The following UNC13C variants were observed in gnomAD, a reference collection of about 807,000 sequenced individuals.
The protein encoded by UNC13C is protein unc-13 homolog C.
In UNC13C, 174 loss-of-function variants were observed where a neutral mutation model predicts 245.4. The ratio of observed to expected loss-of-function variants is 0.71; its 90% CI spans 0.63 to 0.80. UNC13C has a LOEUF of 0.80. Ranked by LOEUF, UNC13C falls within the 30% of genes least tolerant of loss-of-function variation. The pLI is 0.00. For synonymous variants in UNC13C, 992 were observed against 895.1 expected (o/e 1.11, Z -1.93); for missense variants, 2,829 against 2,602.9 (o/e 1.09, Z -1.89).
the UNC13C span, among the ~76,000 whole-genome samples, chr15:53,902,282 G>A: frequency 6.6e-6 from 1 of 152,040 alleles, no homozygotes; most frequent in Non-Finnish European, 1.5e-5. Flanking sequence ...ATCCCACCTA[G>A]GTATACCTTC....
At chr15:54,251,460 C>T (rs1285411974) in intron 8 of UNC13C, among the ~76,000 whole-genome samples, 1 of 152,170 alleles carries the variant, frequency 6.6e-6, no homozygotes, top group Non-Finnish European at 1.5e-5. Flanking sequence ...TATTAATGAC[C>T]TTTCCATCCT....
At chr15:54,538,432 C>T (rs541236626) in intron 26 of UNC13C, among the ~76,000 whole-genome samples, 24 of 152,084 alleles carry the variant, frequency 1.6e-4, no homozygotes, top group African/African-American at 5.8e-4. Flanking sequence ...TGGAAAACAG[C>T]TTGGAGAGTT....
chr15:53,867,277 C>T, the UNC13C span, among the ~76,000 whole-genome samples: 1 of 151,964 alleles, frequency 6.6e-6, no homozygotes, highest in African/African-American at 2.4e-5. Context: ...AAGCAATGAA[C>T]AATAAACATG....
At chr15:53,961,218 C>T in the UNC13C span, among the ~76,000 whole-genome samples, 1 of 152,260 alleles carries the variant, frequency 6.6e-6, no homozygotes, top group African/African-American at 2.4e-5. Flanking sequence ...ATATCTGTTT[C>T]TCCCAAGGCT....
rs561788499 is a variant in UNC13C, at chr15:54,080,004, C to CTTTTT, written c.2984-63014_2984-63013insTTTTT. On this transcript the variant is annotated intron_variant, in intron 2 of 32. Transcript: ENST00000260323. Reference sequence around the variant, plus strand: ...TTCCTTCAAGGCCTGGTTTGTCGAGCGGTTTTTTTTTTTTTTTATCATAAA... The same window carrying CTTTTT: ...TTCCTTCAAGGCCTGGTTTGTCGAGCTTTTTGGTTTTTTTTTTTTTTTATCATAAA... Among the ~76,000 whole-genome samples, 6 of 128,104 alleles carry CTTTTT rather than the reference C, an allele frequency of 4.7e-5. No homozygotes were observed. In the East Asian group the frequency reaches 1.8e-3, roughly 39 times the overall value. 84.0% of individuals were successfully genotyped at this position (128,104 alleles called of 152,430 possible). A position where few individuals can be genotyped will look rare whatever the true frequency, so the allele number is the denominator to read the frequency against.
intron 19 of UNC13C, among the ~76,000 whole-genome samples, chr15:54,476,615 T>C (rs192359381): frequency 0.011 from 1,612 of 151,964 alleles, 30 homozygotes; most frequent in African/African-American, 0.037. Flanking sequence ...GATCAGATAG[T>C]TGTAGATATG....
chr15:54,137,337 G>T (rs1243876868), intron 2 of UNC13C, among the ~76,000 whole-genome samples: 2 of 152,104 alleles, frequency 1.3e-5, no homozygotes, highest in Non-Finnish European at 2.9e-5. Flanking sequence ...TCTGGCTTTG[G>T]TGTGAGTAAT....
At chr15:54,390,708 C>T (rs1327838239) in intron 17 of UNC13C, among the ~76,000 whole-genome samples, 2 of 151,920 alleles carry the variant, frequency 1.3e-5, no homozygotes, top group African/African-American at 4.8e-5. Context: ...TTAATTTCTA[C>T]TACAATAACC....
intron 4 of UNC13C, among the ~76,000 whole-genome samples, chr15:54,226,838 G>C (rs1289645842): frequency 6.6e-6 from 1 of 152,146 alleles, no homozygotes; most frequent in African/African-American, 2.4e-5. Context: ...GTGGTGCCTG[G>C]AAGCTTGGAG....
At chr15:54,527,154 G>T (rs1224033490) in intron 25 of UNC13C, among the ~76,000 whole-genome samples, 1 of 152,188 alleles carries the variant, frequency 6.6e-6, no homozygotes, top group Non-Finnish European at 1.5e-5. Flanking sequence ...CGGGATGTTA[G>T]TCAGCAATTT....
At chr15:53,937,750 A>C in the UNC13C span, among the ~76,000 whole-genome samples, 2 of 151,466 alleles carry the variant, frequency 1.3e-5, no homozygotes, top group South Asian at 2.1e-4. Context: ...AGGGAAGAGA[A>C]TTTCTAACCC....
intron 20 of UNC13C, among the ~76,000 whole-genome samples, chr15:54,496,951 C>T (rs1893977368): frequency 6.6e-6 from 1 of 151,730 alleles, no homozygotes; most frequent in Admixed American, 6.6e-5. Flanking sequence ...CCACGTGTTC[C>T]CCTCAAAACC....
Position 54,425,641 on chromosome 15 carries a change from C to T in UNC13C, c.4933+10574C>T, listed in dbSNP as rs115953933. Reference sequence around the variant, plus strand: ...AGATCAGTGGCCTTCACACTGCGTTCTATGGAACACTAAGTTAAAATTTCA... The same window carrying T: ...AGATCAGTGGCCTTCACACTGCGTTTTATGGAACACTAAGTTAAAATTTCA... On this transcript the variant is annotated intron_variant, in intron 19 of 32. Coordinates refer to ENST00000260323, the MANE Select transcript of UNC13C (RefSeq NM_001080534.3). Among the ~76,000 whole-genome samples, 430 of 151,924 alleles carry T rather than the reference C, an allele frequency of 2.8e-3. 3 individuals carry two copies. Among genetic ancestry groups the T allele is most frequent in the African/African-American group, 9.8e-3 (408 of 41,496 alleles).
At chr15:54,128,715 C>T (rs1320501662) in intron 2 of UNC13C, among the ~76,000 whole-genome samples, 3 of 152,158 alleles carry the variant, frequency 2.0e-5, no homozygotes, top group African/African-American at 7.2e-5. Context: ...CTTTAGCCTG[C>T]CCCCACGGAC....
chr15:54,024,609 T>C (rs1213518262), intron 2 of UNC13C, among the ~76,000 whole-genome samples: 5 of 152,144 alleles, frequency 3.3e-5, no homozygotes, highest in Admixed American at 6.5e-5. Context: ...GCCTATTGTA[T>C]GCTTCTGTTA....
intron 4 of UNC13C, among the ~76,000 whole-genome samples, chr15:54,178,284 C>T (rs1170462444): frequency 6.6e-6 from 1 of 151,728 alleles, no homozygotes; most frequent in East Asian, 1.9e-4. Flanking sequence ...TCCTCCCTCC[C>T]CATATCTTCT....
chr15:54,617,425 T>TATC (rs1422270447), intron 30 of UNC13C, among the ~76,000 whole-genome samples: 2 of 151,968 alleles, frequency 1.3e-5, no homozygotes, highest in African/African-American at 2.4e-5. Flanking sequence ...GTATATACTA[T>TATC]ATCTTATAAG....
the UNC13C span, among the ~76,000 whole-genome samples, chr15:53,924,291 T>C: frequency 3.5e-4 from 54 of 152,292 alleles, no homozygotes; most frequent in African/African-American, 1.3e-3. Flanking sequence ...TAGATTTGTT[T>C]CCGGTGTTGC....
chr15:54,438,322 G>C lies in UNC13C; in HGVS notation c.4933+23255G>C, dbSNP rs571834989. Among the ~76,000 whole-genome samples, 112 of 151,960 alleles carry C rather than the reference G, an allele frequency of 7.4e-4. 3 individuals are homozygous for C. In the South Asian group the frequency reaches 0.022, roughly 30 times the overall value. On this transcript the variant is annotated intron_variant, in intron 19 of 32. Coordinates refer to ENST00000260323, the MANE Select transcript of UNC13C (RefSeq NM_001080534.3). Reference sequence around the variant, plus strand: ...TAAAATATGGATGGAATATAAAGACGCCCAACTGTTTGCTCTTCTTCTAGT... The same window carrying C: ...TAAAATATGGATGGAATATAAAGACCCCCAACTGTTTGCTCTTCTTCTAGT...
Sources: gnomAD v4.1 joint callset for allele counts (sites outside exome capture counted in the v4.1 genomes callset) on GRCh38, gnomAD v4.1.1 for gene constraint, MANE v1.5 for transcripts, NCBI Gene and HGNC (gene_info 2026-07-23, HGNC 2026-07-21) for gene names.